The following TIAM2 variants were observed in gnomAD, a reference collection of about 807,000 sequenced individuals.
The protein encoded by TIAM2 is TIAM Rac1 associated GEF 2, also known as rho guanine nucleotide exchange factor TIAM2.
TIAM2 carries 80 observed loss-of-function variants against 152.9 expected under a neutral mutation model. The observed-to-expected ratio is 0.52, with a 90% CI of 0.44 to 0.63. TIAM2 has a LOEUF of 0.63. Ranked by LOEUF, TIAM2 falls within the 30% of genes least tolerant of loss-of-function variation. The pLI is 0.00. For synonymous variants in TIAM2, 804 were observed against 838.0 expected (o/e 0.96, Z 0.70); for missense variants, 1,965 against 2,120.1 (o/e 0.93, Z 1.44).
At position 155,249,900 on chromosome 6, in the gene TIAM2, G is replaced by A; in HGVS notation, c.3882G>A (p.Gln1294=). Residue 1294 remains glutamine, a synonymous_variant, in exon 21 of 27, where the codon CAG becomes CAA. Transcript: ENST00000682666. ...TAGCGAGCCACATCAATGAGATGCA[G>A]AAGATCTATGAGGATTATGGGACCG... ...EKVASHINEM[Q]KIYEDYGTVF... 1 of 1,614,168 alleles carries A rather than the reference G, an allele frequency of 6.2e-7. No individual in the cohort carries two copies. Among genetic ancestry groups the A allele is most frequent in the Non-Finnish European group, 8.5e-7 (1 of 1,180,030 alleles).
chr6:155,167,600 T>A (rs1343387615), intron 9 of TIAM2, among the ~76,000 whole-genome samples: 1 of 152,254 alleles, frequency 6.6e-6, no homozygotes, highest in Non-Finnish European at 1.5e-5. Flanking sequence ...CATTATTGAC[T>A]GTAGTCAACT....
At chr6:155,063,852 T>C (rs1029617947) in intron 1 of TIAM2, among the ~76,000 whole-genome samples, 1 of 150,040 alleles carries the variant, frequency 6.7e-6, no homozygotes, top group Non-Finnish European at 1.5e-5. Context: ...ATATTATAAC[T>C]GAATTAAAAA....
intron 1 of TIAM2, among the ~76,000 whole-genome samples, chr6:155,018,546 G>A (rs1277961521): frequency 1.3e-5 from 2 of 151,354 alleles, no homozygotes; most frequent in Non-Finnish European, 2.9e-5. Flanking sequence ...TTGAACCAGG[G>A]GGGCGGAACT....
intron 1 of TIAM2, among the ~76,000 whole-genome samples, chr6:155,038,648 C>T (rs973817892): frequency 2.6e-5 from 4 of 152,110 alleles, no homozygotes; most frequent in African/African-American, 7.2e-5. Flanking sequence ...GAAGAGTAGG[C>T]CTGGCTGGGT....
In TIAM2 at chr6:155,216,955, G is replaced by A. The variant is rs919591202; in HGVS notation, c.3168+5648G>A. 31 of 1,223,076 alleles carry A rather than the reference G, an allele frequency of 2.5e-5. No homozygotes were observed. In the Admixed American group the frequency reaches 7.7e-4, roughly 31 times the overall value. The allele number at this position is 1,223,076 out of a possible 1,614,324, so 75.8% of individuals were successfully genotyped here. ...GAATGTGACTTGGAAGAGCAGTTTGGGATTTTTTTCATTGCCTGGGGATGA... is the reference window on the plus strand; with the variant it reads ...GAATGTGACTTGGAAGAGCAGTTTGAGATTTTTTTCATTGCCTGGGGATGA... On this transcript the variant is annotated intron_variant, in intron 15 of 26. Coordinates refer to ENST00000682666, the MANE Select transcript of TIAM2 (RefSeq NM_012454.4).
chr6:155,047,546 C>T (rs1777204261), intron 1 of TIAM2, among the ~76,000 whole-genome samples: 2 of 152,050 alleles, frequency 1.3e-5, no homozygotes, highest in African/African-American at 4.8e-5. Flanking sequence ...CGCCACACCA[C>T]CTCTTCTTTC....
intron 14 of TIAM2, among the ~76,000 whole-genome samples, chr6:155,207,118 T>G (rs1207151955): frequency 6.6e-6 from 1 of 152,172 alleles, no homozygotes; most frequent in Admixed American, 6.5e-5. Context: ...CAGCTGGTGC[T>G]CAGGATGTGG....
intron 1 of TIAM2, among the ~76,000 whole-genome samples, chr6:155,057,017 CTTTTTTTTT>C (rs71023612): frequency 3.2e-4 from 14 of 43,868 alleles, no homozygotes; most frequent in South Asian, 1.0e-3. Flanking sequence ...AGTTTTCTTT[CTTTTTTTTT>C]TTTTTTTTTT....
intron 1 of TIAM2, among the ~76,000 whole-genome samples, chr6:155,046,266 T>G (rs1777171955): frequency 6.6e-6 from 1 of 152,130 alleles, no homozygotes. Flanking sequence ...TTTTCTTTCT[T>G]TAAGGTAATC....
intron 1 of TIAM2, among the ~76,000 whole-genome samples, chr6:155,081,265 G>A (rs1583180530): frequency 2.6e-5 from 4 of 151,998 alleles, no homozygotes; most frequent in South Asian, 2.1e-4. Context: ...CCATCTGCTC[G>A]TGCATCTGTT....
intron 14 of TIAM2, among the ~76,000 whole-genome samples, chr6:155,187,938 A>G (rs1781093049): frequency 6.6e-6 from 1 of 152,122 alleles, no homozygotes; most frequent in Non-Finnish European, 1.5e-5. Flanking sequence ...CAGCCTCTCT[A>G]GCCTGCATTG....
At chr6:155,198,829 G>C (rs1781413188) in intron 14 of TIAM2, among the ~76,000 whole-genome samples, 2 of 152,096 alleles carry the variant, frequency 1.3e-5, no homozygotes, top group African/African-American at 4.8e-5. Context: ...ACTTTCTTGA[G>C]CCGAGGTCTC....
intron 1 of TIAM2, among the ~76,000 whole-genome samples, chr6:155,051,532 C>T (rs1425103652): frequency 6.6e-6 from 1 of 152,170 alleles, no homozygotes; most frequent in Non-Finnish European, 1.5e-5. Flanking sequence ...AGGACGGAGA[C>T]CCAAATCCAC....
intron 1 of TIAM2, among the ~76,000 whole-genome samples, chr6:155,028,544 T>C (rs528653746): frequency 7.2e-6 from 1 of 139,586 alleles, no homozygotes; most frequent in African/African-American, 2.6e-5. Context: ...GTTACATATA[T>C]ACTACATATA....
chr6:155,208,868 C>T (rs1042037459), intron 14 of TIAM2, among the ~76,000 whole-genome samples: 2 of 152,210 alleles, frequency 1.3e-5, no homozygotes, highest in Non-Finnish European at 2.9e-5. Context: ...TCTTCCATCT[C>T]TGCCCCACTC....
chr6:155,246,304 T>C (rs949188423), intron 19 of TIAM2, among the ~76,000 whole-genome samples: 1 of 152,094 alleles, frequency 6.6e-6, no homozygotes, highest in African/African-American at 2.4e-5. Context: ...AGCTCTGCCA[T>C]TGGATTTTAA....
At chr6:155,204,300 G>T (rs918089813) in intron 14 of TIAM2, among the ~76,000 whole-genome samples, 6 of 151,938 alleles carry the variant, frequency 3.9e-5, no homozygotes, top group Non-Finnish European at 8.8e-5. Context: ...CAAGAGTTTT[G>T]TCATTTTGGA....
chr6:155,113,245 C>A (rs953360608), intron 2 of TIAM2, among the ~76,000 whole-genome samples: 1 of 152,066 alleles, frequency 6.6e-6, no homozygotes, highest in African/African-American at 2.4e-5. Flanking sequence ...CCCCTGCCCA[C>A]GGTGCCCTTT....
chr6:155,104,051 C>CCCA (rs1778618258), intron 2 of TIAM2, among the ~76,000 whole-genome samples: 3 of 80,394 alleles, frequency 3.7e-5, no homozygotes, highest in Non-Finnish European at 7.4e-5. Flanking sequence ...CCCCCCCCCC[C>CCCA]ACACCCCCAC....
Sources: gnomAD v4.1 joint callset for allele counts (sites outside exome capture counted in the v4.1 genomes callset) on GRCh38, gnomAD v4.1.1 for gene constraint, MANE v1.5 for transcripts, NCBI Gene and HGNC (gene_info 2026-07-23, HGNC 2026-07-21) for gene names.